SPMIP1: variants seen among roughly 807,000 people sequenced by gnomAD.
SPMIP1 encodes protein SPMIP1.
chr7:128,868,617 G>C, the SPMIP1 span: 2 of 1,240,640 alleles, frequency 1.6e-6, no homozygotes, highest in African/African-American at 1.5e-5. Flanking sequence ...CATGCTCTGC[G>C]TGTCCCTCCC....
the SPMIP1 span, chr7:128,866,821 T>C: frequency 1.3e-6 from 2 of 1,533,072 alleles, no homozygotes. Flanking sequence ...CACGTATGGC[T>C]GGCAGCTGGG....
At chr7:128,868,896 C>T in the SPMIP1 span, 1 of 620,708 alleles carries the variant, frequency 1.6e-6, no homozygotes, top group Non-Finnish European at 2.8e-6. Flanking sequence ...GCATTCAGGC[C>T]TTTCTGAAAC....
the SPMIP1 span, among the ~76,000 whole-genome samples, chr7:128,866,996 G>A: frequency 1.3e-5 from 2 of 152,160 alleles, no homozygotes; most frequent in African/African-American, 2.4e-5. Context: ...GGGAGGCAGC[G>A]GCCACGTGCT....
At chr7:128,867,524 T>A in the SPMIP1 span, among the ~76,000 whole-genome samples, 7 of 152,224 alleles carry the variant, frequency 4.6e-5, no homozygotes, top group East Asian at 7.7e-4. Flanking sequence ...TGGATTGAAG[T>A]CAGAGCTGAA....
chr7:128,869,558 C>A, the SPMIP1 span: 2 of 152,198 alleles, frequency 1.3e-5, no homozygotes, highest in Non-Finnish European at 2.9e-5. Flanking sequence ...CGGCAGTCAG[C>A]GTCCGGCCGC....
the SPMIP1 span, chr7:128,869,142 C>A: frequency 2.7e-6 from 1 of 367,846 alleles, no homozygotes; most frequent in Non-Finnish European, 4.8e-6. Context: ...ACCGCCACAC[C>A]CCTCCTTGCC....
the SPMIP1 span, chr7:128,868,869 T>A: frequency 3.9e-6 from 3 of 776,946 alleles, no homozygotes; most frequent in Non-Finnish European, 6.1e-6. Context: ...CCCTCTGCTC[T>A]CCCTGTCCCT....
At chr7:128,870,532 C>G in the SPMIP1 span, 2 of 151,100 alleles carry the variant, frequency 1.3e-5, no homozygotes, top group Non-Finnish European at 2.9e-5. Flanking sequence ...TCCTCTCAGA[C>G]TCAGGGGTGT....
chr7:128,871,419 G>GA, the SPMIP1 span: 11 of 152,294 alleles, frequency 7.2e-5, no homozygotes, highest in Admixed American at 2.6e-4. Context: ...CTCTTATTCA[G>GA]AAAAACCTTC....
the SPMIP1 span, among the ~76,000 whole-genome samples, chr7:128,867,856 C>T: frequency 2.0e-5 from 3 of 152,222 alleles, no homozygotes; most frequent in East Asian, 5.8e-4. Context: ...AGGCATGAGC[C>T]ACCGGCTGGC....
chr7:128,867,499 C>T, the SPMIP1 span, among the ~76,000 whole-genome samples: 3 of 151,924 alleles, frequency 2.0e-5, no homozygotes, highest in Non-Finnish European at 2.9e-5. Flanking sequence ...TGTAGGGTGG[C>T]TGTGTCTATA....
At chr7:128,869,225 C>T in the SPMIP1 span, 1 of 224,508 alleles carries the variant, frequency 4.5e-6, no homozygotes, top group East Asian at 8.7e-5. Flanking sequence ...GCTGCTCCCG[C>T]AGGGCGCGCC....
the SPMIP1 span, among the ~76,000 whole-genome samples, chr7:128,867,395 G>C: frequency 0.015 from 2,350 of 152,302 alleles, 24 homozygotes; most frequent in Non-Finnish European, 0.023. Context: ...TAAAGCTGCA[G>C]TGACAGGGAA....
At chr7:128,866,897 C>A in the SPMIP1 span, 3 of 1,423,726 alleles carry the variant, frequency 2.1e-6, no homozygotes, top group South Asian at 1.4e-5. Context: ...GAGTGGGCAT[C>A]CTGGTGAAGG....
At chr7:128,866,877 A>T in the SPMIP1 span, 2 of 1,488,206 alleles carry the variant, frequency 1.3e-6, no homozygotes, top group South Asian at 1.3e-5. Context: ...AGCACTAGCC[A>T]TGTGCTAGGG....
the SPMIP1 span, chr7:128,866,973 G>GTGGC: frequency 1.2e-6 from 1 of 848,984 alleles, no homozygotes; most frequent in South Asian, 1.9e-5. Context: ...GAACTAGGGA[G>GTGGC]TGGCGGTGGG....
the SPMIP1 span, chr7:128,866,800 AC>A: frequency 6.5e-7 from 1 of 1,534,736 alleles, no homozygotes; most frequent in Non-Finnish European, 8.7e-7. Flanking sequence ...CTTCCCCATC[AC>A]CACCAGCTTC....
chr7:128,869,872 C>A, the SPMIP1 span: 1 of 152,184 alleles, frequency 6.6e-6, no homozygotes, highest in Non-Finnish European at 1.5e-5. Flanking sequence ...GCGGGGCCCA[C>A]TCCAGGGCCC....
At chr7:128,871,373 C>T in the SPMIP1 span, 1 of 152,170 alleles carries the variant, frequency 6.6e-6, no homozygotes, top group Non-Finnish European at 1.5e-5. Context: ...CCATCAGGCC[C>T]AGAGAAGAAA....
Sources: gnomAD v4.1 joint callset for allele counts (sites outside exome capture counted in the v4.1 genomes callset) on GRCh38, gnomAD v4.1.1 for gene constraint, MANE v1.5 for transcripts, NCBI Gene and HGNC (gene_info 2026-07-23, HGNC 2026-07-21) for gene names.